Variants in DPP9 observed in about 807,000 individuals in gnomAD.
DPP9 encodes the protein dipeptidyl peptidase IV-related protein-2.
Under a neutral mutation model 110.7 loss-of-function variants are expected in DPP9, and 50 were observed. The ratio of observed to expected loss-of-function variants is 0.45; its 90% CI spans 0.36 to 0.57. The LOEUF (loss-of-function observed/expected upper bound fraction) is 0.57, where lower values mean the gene tolerates loss of function less well. Among genes scored for constraint, DPP9 ranks in the 20% least tolerant of loss-of-function variants. DPP9 has a pLI of 0.00. For synonymous variants in DPP9, 561 were observed against 514.4 expected, an observed-to-expected ratio of 1.09 and a Z score of -1.23; for missense variants, 1,022 against 1,217.9, an observed-to-expected ratio of 0.84 and a Z score of 2.39.
Position 4,692,462 on chromosome 19 carries a change from G to A in DPP9, c.1517-1505C>T, listed in dbSNP as rs1285415001. On this transcript the variant is annotated intron_variant, in intron 13 of 21. Coordinates refer to ENST00000262960, the MANE Select transcript of DPP9 (RefSeq NM_139159.5). ...GAGAGCGGTTCCCACCCAGCCCCAA[G>A]ACCCAGGCTCCTGCCCGCGTCCCGA... 2.0e-5 allele frequency among the ~76,000 whole-genome samples: 3 copies of A among 152,132 alleles called. No individual in the cohort carries two copies. The East Asian group carries it at 5.8e-4, about 29-fold the overall frequency.
In DPP9 at chr19:4,684,781, C is replaced by T. The variant is rs769201161; in HGVS notation, c.2060G>A (p.Gly687Asp). Residue 687 changes from glycine to aspartate, a missense_variant, in exon 18 of 22, where the codon GGC becomes GAC. Gly to Asp is a moderately conservative substitution (Grantham distance 94). Around this residue, in one of 3 missense-constraint regions of DPP9, gnomAD observed 209 missense variants for 280.4 expected, o/e 0.75. Transcript: ENST00000262960. This position sits in a 1 kb window ranked among gnomAD's most constrained non-coding sequence, Gnocchi z 4.8. Reference sequence around the variant, plus strand: ...TGTGTTGAGCCGCAAGTACTTGATGCCTTTGAAGGAGTTATTCACCAGCTG... The same window carrying T: ...TGTGTTGAGCCGCAAGTACTTGATGTCTTTGAAGGAGTTATTCACCAGCTG... ...QVQLVNNSFK[G>D]IKYLRLNTLA... The T allele has an allele frequency of 1.2e-6, 2 of 1,600,182 alleles. No individual in the cohort carries two copies. Among genetic ancestry groups the T allele is most frequent in the Admixed American group, 3.5e-5 (2 of 57,432 alleles).
At chr19:4,719,535 C>A in intron 3 of DPP9, 1 of 430,198 alleles carries the variant, frequency 2.3e-6, no homozygotes, top group South Asian at 2.5e-5. Context: ...CATCTGGAGA[C>A]ATCTGTGGTT....
intron 11 of DPP9, among the ~76,000 whole-genome samples, chr19:4,696,273 T>A (rs1275800479): frequency 6.6e-6 from 1 of 151,952 alleles, no homozygotes; most frequent in Non-Finnish European, 1.5e-5. Context: ...AAGCAGCACC[T>A]CCACACACAG....
chr19:4,690,753 G>A, intron 14 of DPP9, 125 bp downstream of exon 14: 1 of 781,902 alleles, frequency 1.3e-6, no homozygotes, highest in Non-Finnish European at 2.1e-6. Flanking sequence ...GTGCGTGTGT[G>A]TATGTGTGAG....
In DPP9 at chr19:4,694,015, A is replaced by G. The variant is rs1599896469; in HGVS notation, c.1516+646T>C. Among the ~76,000 whole-genome samples the G allele has an allele frequency of 6.6e-6, 1 of 152,042 alleles. No homozygotes were observed. The highest frequency in any genetic ancestry group is 2.4e-5 in the African/African-American group (1 of 41,410). On this transcript the variant is annotated intron_variant, in intron 13 of 21. Coordinates refer to ENST00000262960, the MANE Select transcript of DPP9 (RefSeq NM_139159.5). This position sits in a 1 kb window ranked among gnomAD's most constrained non-coding sequence, Gnocchi z 4.0. The stretch of plus-strand genomic sequence containing the variant: ...GTCCTCATGCCCTCCCGTTGTAGAA[A>G]GAAGGCCCCTCACCCTCAAGCCTCT...
chr19:4,711,392 GT>G (rs1252610525), intron 4 of DPP9, among the ~76,000 whole-genome samples: 1 of 152,152 alleles, frequency 6.6e-6, no homozygotes, highest in East Asian at 1.9e-4. Flanking sequence ...AGACAGGCCT[GT>G]GCGGCTGGGA....
At position 4,718,574 on chromosome 19, in the gene DPP9, C is replaced by A. The variant is rs1030645091; in HGVS notation, c.56+1277G>T. On this transcript the variant is annotated intron_variant, in intron 3 of 21. Coordinates refer to ENST00000262960, the MANE Select transcript of DPP9 (RefSeq NM_139159.5). This position sits in a 1 kb window ranked among gnomAD's most constrained non-coding sequence, Gnocchi z 4.3. The stretch of plus-strand genomic sequence containing the variant: ...CATGCCACCCTCTGTCCTACCCAAA[C>A]TGCCCCCAGCACTGCCTGGGCCTTT... 1.3e-5 allele frequency among the ~76,000 whole-genome samples: 2 copies of A among 152,234 alleles called. No homozygotes were observed. The highest frequency in any genetic ancestry group is 4.8e-5 in the African/African-American group (2 of 41,470).
rs914167745 is a variant in DPP9 at position 4,700,503 on chromosome 19, G to T, written c.1013-226C>A. Among the ~76,000 whole-genome samples, 9 of 152,302 alleles carry T rather than the reference G, an allele frequency of 5.9e-5. No homozygotes were observed. In the East Asian group the frequency reaches 1.5e-3, roughly 26 times the overall value. ...GACCTTCTGACTTTGGGCCTGGATC[G>T]CATTCCCAACAGTGATGTGGCATCT... On this transcript the variant is annotated intron_variant, in intron 9 of 21. Coordinates refer to ENST00000262960, the MANE Select transcript of DPP9 (RefSeq NM_139159.5). This position sits in a 1 kb window ranked among gnomAD's most constrained non-coding sequence, Gnocchi z 4.3.
At position 4,676,525 on chromosome 19, in the gene DPP9, C is replaced by T; in HGVS notation, c.*39G>A. 1 of 1,547,432 alleles carries T rather than the reference C, an allele frequency of 6.5e-7. No individual in the cohort carries two copies. On this transcript the variant is annotated 3_prime_UTR_variant, in exon 22 of 22. Coordinates refer to ENST00000262960, the MANE Select transcript of DPP9 (RefSeq NM_139159.5). The surrounding 1 kb of genome is among the most constrained non-coding windows in gnomAD (Gnocchi z 4.0). ...GCCTGGTTCCCCGCGGAGGCTGCAG[C>T]CACTTGTGCTGTGATGTGGCGGCTC...
rs144858766 is a variant in DPP9 at position 4,704,277 on chromosome 19, G to C, written c.454C>G (p.Arg152Gly). 6.2e-7 allele frequency: 1 copy of C among 1,613,524 alleles called. No individual in the cohort carries two copies. Among genetic ancestry groups the C allele is most frequent in the Non-Finnish European group, 8.5e-7 (1 of 1,179,890 alleles). ...CGCTCCCTCAGCAGCTCCTCCTCCC[G>C]AGAGTAGACCCCATGGTGGGGCGTG... ...QATPHHGVYS[R>G]EEELLRERKR... is the part of the protein sequence containing the mutation. Residue 152 changes from arginine (R) to glycine (G), a missense_variant, in exon 6 of 22, where the codon CGG becomes GGG. Physicochemically the swap from Arg to Gly is moderately radical, Grantham distance 125. Around this residue, in one of 3 missense-constraint regions of DPP9, gnomAD observed 810 missense variants for 920.6 expected, o/e 0.88. Transcript: ENST00000262960. The surrounding 1 kb of genome is among the most constrained non-coding windows in gnomAD (Gnocchi z 6.0).
At chr19:4,681,842 CTTTTTTT>C (rs778786711) in intron 20 of DPP9, among the ~76,000 whole-genome samples, 38 of 115,742 alleles carry the variant, frequency 3.3e-4, no homozygotes, top group Middle Eastern at 4.5e-3. Flanking sequence ...CCCAGGCAGA[CTTTTTTT>C]TTTTTTTTTT....
rs774221005 is a variant in DPP9, at chr19:4,676,573, T to C, written c.2670A>G (p.Glu890=). ...CTCCCGGTGGGCAGGCTCAGAGGTA[T>C]TCCTGTAGAAAGTGCAGCAACGTGA... The part of the protein sequence containing the change: ...YEVTLLHFLQ[E]YL Residue 890 remains glutamate (E), a synonymous_variant, in exon 22 of 22, where the codon GAA becomes GAG. Transcript: ENST00000262960. This position sits in a 1 kb window ranked among gnomAD's most constrained non-coding sequence, Gnocchi z 4.0. 1 of 1,600,972 alleles carries C rather than the reference T, an allele frequency of 6.2e-7. No individual in the cohort carries two copies. Among genetic ancestry groups the C allele is most frequent in the Non-Finnish European group, 8.5e-7 (1 of 1,174,256 alleles).
At chr19:4,713,899 C>A (rs1053211961) in intron 4 of DPP9, among the ~76,000 whole-genome samples, 182 bp downstream of exon 4, 3 of 152,206 alleles carry the variant, frequency 2.0e-5, no homozygotes, top group African/African-American at 4.8e-5. Flanking sequence ...CCCACCCACC[C>A]CGCGGCAGCC....
intron 2 of DPP9, among the ~76,000 whole-genome samples, chr19:4,721,660 A>G (rs1431683402): frequency 6.6e-6 from 1 of 152,218 alleles, no homozygotes; most frequent in East Asian, 1.9e-4. Context: ...GCAAGCCTGT[A>G]ATCCCAGCTA....
intron 14 of DPP9, among the ~76,000 whole-genome samples, chr19:4,690,389 G>A (rs143653666): frequency 4.3e-4 from 65 of 152,346 alleles, no homozygotes; most frequent in African/African-American, 1.5e-3. Flanking sequence ...CTGAGAGGCC[G>A]GTGGAGGCAG....
intron 20 of DPP9, among the ~76,000 whole-genome samples, chr19:4,680,255 A>G (rs1273455832): frequency 7.1e-6 from 1 of 141,564 alleles, no homozygotes; most frequent in African/African-American, 2.7e-5. Context: ...AAAAAAAAAA[A>G]GATCAGCTGA....
intron 16 of DPP9, 72 bp downstream of exon 16, chr19:4,688,685 G>C (rs2091024807): frequency 7.4e-7 from 1 of 1,355,576 alleles, no homozygotes; most frequent in Non-Finnish European, 9.4e-7. Flanking sequence ...TCTTTCCCCA[G>C]CATGGGGCCC....
intron 4 of DPP9, 84 bp from the exon 5 acceptor site, chr19:4,706,054 G>A: frequency 8.3e-7 from 1 of 1,211,814 alleles, no homozygotes. Flanking sequence ...GGCCCAGCTG[G>A]TTCCCTCTGC....
At chr19:4,683,235 G>C (rs2090179595) in intron 19 of DPP9, 1 of 1,431,464 alleles carries the variant, frequency 7.0e-7, no homozygotes, top group African/African-American at 1.4e-5. Flanking sequence ...CTCCCACAGA[G>C]AGCTGCTGGC....
Sources: allele counts gnomAD v4.1 joint callset (sites outside exome capture counted in the v4.1 genomes callset), GRCh38; gene constraint gnomAD v4.1.1; regional missense constraint gnomAD v4.1.1; non-coding constraint Gnocchi (gnomAD v3.1); transcripts MANE v1.5; gene names NCBI Gene and HGNC (gene_info 2026-07-23, HGNC 2026-07-21).